ATP9B: variants seen among roughly 807,000 people sequenced by gnomAD.
ATP9B encodes the protein probable phospholipid-transporting ATPase IIB.
A neutral mutation model predicts 146.1 loss-of-function variants in ATP9B; 110 were observed. The observed-to-expected ratio is 0.75, with a 90% CI of 0.65 to 0.88. ATP9B has a LOEUF of 0.88. ATP9B is among the 40% of genes least tolerant of loss of function. ATP9B has a pLI of 0.00. For synonymous variants in ATP9B, 604 were observed against 569.7 expected (o/e 1.06, Z -0.86); for missense variants, 1,499 against 1,496.4 (o/e 1.00, Z -0.03).
chr18:79,126,332 C>G lies in ATP9B; in HGVS notation c.624C>G (p.Asp208Glu). The change falls in exon 5 of 30, where the codon GAC becomes GAG. Residue 208 changes from aspartate to glutamate, a missense_variant. Coordinates refer to ENST00000426216, the MANE Select transcript of ATP9B (RefSeq NM_198531.5). ...ATGAATTTCGGCGTTTTCAGCGTGA[C>G]AAGGAAGTGAATTCACAACTATATA... The part of the protein sequence containing the change: ...AIDEFRRFQR[D>E]KEVNSQLYSK... The G allele has an allele frequency of 3.7e-6, 6 of 1,611,840 alleles. No homozygotes were observed. Among genetic ancestry groups the G allele is most frequent in the Non-Finnish European group, 5.1e-6 (6 of 1,178,480 alleles).
At chr18:79,075,838 T>TCTTTTTCCTGC (rs1171706172) in intron 1 of ATP9B, among the ~76,000 whole-genome samples, 3 of 152,240 alleles carry the variant, frequency 2.0e-5, no homozygotes, top group Non-Finnish European at 4.4e-5. Flanking sequence ...TTTTTGTTTC[T>TCTTTTTCCTGC]CGGTTTTCTT....
chr18:79,135,340 C>T (rs1226504439), intron 5 of ATP9B, among the ~76,000 whole-genome samples: 1 of 152,232 alleles, frequency 6.6e-6, no homozygotes, highest in Non-Finnish European at 1.5e-5. Context: ...TCTTGTTTCA[C>T]TGTGCTTCCA....
chr18:79,200,784 G>GGTGGGAACTGTCA (rs2095476671), intron 9 of ATP9B, among the ~76,000 whole-genome samples: 1 of 151,192 alleles, frequency 6.6e-6, no homozygotes, highest in Non-Finnish European at 1.5e-5. Context: ...AGCAGAAGTA[G>GGTGGGAACTGTCA]TGGTGGAATT....
intron 6 of ATP9B, chr18:79,144,911 A>G (rs1599873336): frequency 2.4e-5 from 4 of 165,426 alleles, no homozygotes; most frequent in East Asian, 1.8e-4. Context: ...AAGCATTACA[A>G]AAGAAGAAGT....
intron 9 of ATP9B, among the ~76,000 whole-genome samples, chr18:79,194,975 C>T (rs66921323): frequency 0.21 from 31,945 of 151,934 alleles, 3,712 homozygotes; most frequent in East Asian, 0.49. Flanking sequence ...TTGGAAGTGA[C>T]GTTGGGGGAA....
intron 26 of ATP9B, among the ~76,000 whole-genome samples, chr18:79,371,864 T>C (rs2097072848): frequency 1.3e-5 from 2 of 152,230 alleles, no homozygotes; most frequent in Non-Finnish European, 2.9e-5. Context: ...AGGGCAGGAC[T>C]TTGGGCTCTG....
At chr18:79,330,206 T>C in intron 17 of ATP9B, 102 bp downstream of exon 17, 1 of 1,053,964 alleles carries the variant, frequency 9.5e-7, no homozygotes, top group East Asian at 2.4e-5. Context: ...ACTTTATTGA[T>C]AGATGACAGG....
At chr18:79,285,070 G>A (rs1224226791) in intron 13 of ATP9B, among the ~76,000 whole-genome samples, 1 of 151,184 alleles carries the variant, frequency 6.6e-6, no homozygotes, top group Non-Finnish European at 1.5e-5. Flanking sequence ...GAATAATGCC[G>A]CAATAAACAT....
intron 1 of ATP9B, among the ~76,000 whole-genome samples, chr18:79,073,693 G>A (rs1171566561): frequency 6.6e-6 from 1 of 151,964 alleles, no homozygotes; most frequent in Non-Finnish European, 1.5e-5. Flanking sequence ...GAAGGGAGAG[G>A]GTAATTCCCT....
At chr18:79,219,752 C>G (rs1301305921) in intron 11 of ATP9B, among the ~76,000 whole-genome samples, 1 of 152,044 alleles carries the variant, frequency 6.6e-6, no homozygotes, top group Non-Finnish European at 1.5e-5. Flanking sequence ...AGGACCCTGA[C>G]AATTCACAAA....
In ATP9B at chr18:79,347,795, C is replaced by T; in HGVS notation, c.2708C>T (p.Ala903Val). 1 of 1,595,268 alleles carries T rather than the reference C, an allele frequency of 6.3e-7. No individual in the cohort carries two copies. Among genetic ancestry groups the T allele is most frequent in the East Asian group, 2.3e-5 (1 of 43,992 alleles). ...GAGGGTAAACAGGCCTCGCTGGCGG[C>T]CGACTTCTCCATCACGCAGTTCCGG... is the stretch of plus-strand genomic sequence containing the variant. Reference protein sequence around the residue: ...GKEGKQASLAADFSITQFRHI... With the variant: ...GKEGKQASLAVDFSITQFRHI... The change falls in exon 24 of 30, where the codon GCC becomes GTC. Residue 903 changes from alanine to valine, a missense_variant. By Grantham distance (64) the Ala-to-Val change is moderately conservative (BLOSUM62 0). Transcript: ENST00000426216.
chr18:79,230,692 A>G (rs1270667449), intron 11 of ATP9B, among the ~76,000 whole-genome samples: 1 of 152,080 alleles, frequency 6.6e-6, no homozygotes, highest in Non-Finnish European at 1.5e-5. Flanking sequence ...AGAATACACC[A>G]TTATTCTTCA....
chr18:79,213,410 G>C (rs1256280575), intron 10 of ATP9B, among the ~76,000 whole-genome samples: 2 of 152,164 alleles, frequency 1.3e-5, no homozygotes, highest in East Asian at 3.9e-4. Context: ...GTAAAAGAGA[G>C]TAATAGCTTC....
chr18:79,278,411 G>T (rs914885651), intron 13 of ATP9B, among the ~76,000 whole-genome samples: 6 of 152,136 alleles, frequency 3.9e-5, no homozygotes, highest in Non-Finnish European at 8.8e-5. Flanking sequence ...AATCACATGG[G>T]ATATTCTTTG....
intron 2 of ATP9B, among the ~76,000 whole-genome samples, chr18:79,098,575 C>T (rs988102796): frequency 6.6e-6 from 1 of 151,868 alleles, no homozygotes; most frequent in African/African-American, 2.4e-5. Context: ...GGGCGAAGGA[C>T]ATGAACAGAC....
chr18:79,359,309 G>A (rs1263890309), intron 25 of ATP9B, 45 bp from the exon 26 acceptor site: 1 of 1,427,304 alleles, frequency 7.0e-7, no homozygotes, highest in South Asian at 1.2e-5. Flanking sequence ...TAGCTGTGTG[G>A]TAGAAGTTTC....
At chr18:79,325,898 A>C (rs1269089975) in intron 15 of ATP9B, among the ~76,000 whole-genome samples, 1 of 151,122 alleles carries the variant, frequency 6.6e-6, no homozygotes, top group Admixed American at 6.6e-5. Flanking sequence ...GTCCCCTCAC[A>C]TGGTGTTAGG....
chr18:79,097,135 G>T (rs1348486416), intron 2 of ATP9B, among the ~76,000 whole-genome samples: 2 of 149,250 alleles, frequency 1.3e-5, no homozygotes, highest in Non-Finnish European at 3.0e-5. Flanking sequence ...TCCATCCTGG[G>T]CAATGGAGTA....
At chr18:79,218,046 T>C (rs1292022458) in intron 11 of ATP9B, among the ~76,000 whole-genome samples, 1 of 152,250 alleles carries the variant, frequency 6.6e-6, no homozygotes, top group Non-Finnish European at 1.5e-5. Context: ...TCGGTCAGGA[T>C]AGGCTGAGTC....
Sources: gnomAD v4.1 joint callset for allele counts (sites outside exome capture counted in the v4.1 genomes callset) on GRCh38, gnomAD v4.1.1 for gene constraint, MANE v1.5 for transcripts, NCBI Gene and HGNC (gene_info 2026-07-23, HGNC 2026-07-21) for gene names.